PARD3: variants seen among roughly 807,000 people sequenced by gnomAD.
PARD3 encodes par-3 family cell polarity regulator.
In PARD3, 75 loss-of-function variants were observed where a neutral mutation model predicts 155.4. That is an observed-to-expected ratio of 0.48 (90% CI 0.40 to 0.58). PARD3 has a LOEUF of 0.58. Among genes scored for constraint, PARD3 ranks in the 20% least tolerant of loss-of-function variants. The probability of loss-of-function intolerance (pLI) is 0.00; values close to 1 mark genes in which losing one functional copy is unlikely to be tolerated. For synonymous variants in PARD3, 576 were observed against 610.5 expected (o/e 0.94, Z 0.83); for missense variants, 1,642 against 1,721.7 (o/e 0.95, Z 0.82).
intron 1 of PARD3, among the ~76,000 whole-genome samples, chr10:34,753,398 G>A (rs932833510): frequency 2.0e-5 from 3 of 152,162 alleles, no homozygotes; most frequent in South Asian, 2.1e-4. Flanking sequence ...AATTCATTTC[G>A]TCCTTACTAT....
intron 1 of PARD3, among the ~76,000 whole-genome samples, chr10:34,787,042 C>T (rs1474841684): frequency 1.3e-5 from 2 of 152,176 alleles, no homozygotes; most frequent in African/African-American, 4.8e-5. Flanking sequence ...TTTTATCAAT[C>T]CTTAGAGACT....
chr10:34,149,809 A>C (rs550287378), intron 22 of PARD3, among the ~76,000 whole-genome samples: 1 of 152,296 alleles, frequency 6.6e-6, no homozygotes, highest in East Asian at 1.9e-4. Context: ...ATTTCCTCTG[A>C]TCGTAGATTA....
chr10:34,618,990 T>A (rs2091444163), intron 2 of PARD3, among the ~76,000 whole-genome samples: 1 of 151,798 alleles, frequency 6.6e-6, no homozygotes, highest in South Asian at 2.1e-4. Flanking sequence ...CTTTCACTCA[T>A]CCCACAGCCC....
intron 22 of PARD3, among the ~76,000 whole-genome samples, chr10:34,205,407 A>T (rs553885086): frequency 1.3e-5 from 2 of 152,318 alleles, no homozygotes; most frequent in Admixed American, 6.5e-5. Flanking sequence ...TTCATGCGTT[A>T]GAAAACAAAT....
intron 2 of PARD3, among the ~76,000 whole-genome samples, chr10:34,650,819 C>T (rs1411420473): frequency 6.6e-6 from 1 of 152,070 alleles, no homozygotes; most frequent in Non-Finnish European, 1.5e-5. Context: ...CAAGACCAGC[C>T]TGACCAACAT....
chr10:34,431,262 A>C lies in PARD3; in HGVS notation c.714+19055T>G, dbSNP rs924571695. On this transcript the variant is annotated intron_variant, in intron 5 of 24. Coordinates refer to ENST00000374788, the MANE Select transcript of PARD3 (RefSeq NM_001184785.2). The stretch of plus-strand genomic sequence containing the variant: ...AATACACATGATCAAAGACAGAATT[A>C]AACAATGAATGACACAATGCTGATT... Among the ~76,000 whole-genome samples the C allele has an allele frequency of 3.3e-5, 5 of 152,334 alleles. No homozygotes were observed. In the South Asian group the frequency reaches 1.0e-3, roughly 32 times the overall value.
At chr10:34,155,384 A>G (rs971277940) in intron 22 of PARD3, among the ~76,000 whole-genome samples, 5 of 152,214 alleles carry the variant, frequency 3.3e-5, no homozygotes, top group Non-Finnish European at 5.9e-5. Context: ...CAAGAATAAC[A>G]ATAGAGGAGA....
chr10:34,227,883 T>TATATATATATATATATACAC (rs1491222875), intron 22 of PARD3, among the ~76,000 whole-genome samples: 4 of 130,444 alleles, frequency 3.1e-5, no homozygotes, highest in African/African-American at 1.2e-4. Flanking sequence ...TATATATATA[T>TATATATATATATATATACAC]ACTGGGAATA....
At chr10:34,243,744 A>T (rs1031861702) in intron 22 of PARD3, among the ~76,000 whole-genome samples, 1 of 152,162 alleles carries the variant, frequency 6.6e-6, no homozygotes, top group Non-Finnish European at 1.5e-5. Flanking sequence ...CAGGAGGCGG[A>T]GGTTACAGTA....
intron 2 of PARD3, among the ~76,000 whole-genome samples, chr10:34,517,709 C>T (rs780440545): frequency 1.2e-4 from 18 of 152,054 alleles, no homozygotes; most frequent in Non-Finnish European, 1.8e-4. Context: ...CCCACACACA[C>T]ACAAACACAC....
At chr10:34,266,790 G>A (rs554222481) in intron 22 of PARD3, among the ~76,000 whole-genome samples, 16 of 152,302 alleles carry the variant, frequency 1.1e-4, no homozygotes, top group African/African-American at 3.8e-4. Flanking sequence ...ACAGTGCAGG[G>A]TACAGACTCC....
intron 2 of PARD3, among the ~76,000 whole-genome samples, chr10:34,517,520 CTG>C (rs754922803): frequency 1.7e-4 from 26 of 151,994 alleles, no homozygotes; most frequent in African/African-American, 3.9e-4. Context: ...ACATATATAT[CTG>C]TGTGTGTGTA....
chr10:34,457,636 T>G (rs1197011453), intron 4 of PARD3, among the ~76,000 whole-genome samples: 1 of 152,180 alleles, frequency 6.6e-6, no homozygotes, highest in African/African-American at 2.4e-5. Flanking sequence ...GGTCTCACTC[T>G]GTCATCCAGG....
intron 20 of PARD3, among the ~76,000 whole-genome samples, chr10:34,298,094 G>C (rs1956990331): frequency 6.6e-6 from 1 of 152,158 alleles, no homozygotes; most frequent in South Asian, 2.1e-4. Flanking sequence ...CATCCTCACA[G>C]ATTTATTGTG....
At chr10:34,698,613 C>G (rs1026268745) in intron 1 of PARD3, among the ~76,000 whole-genome samples, 27 of 152,176 alleles carry the variant, frequency 1.8e-4, no homozygotes, top group African/African-American at 5.1e-4. Context: ...GCAATCATAG[C>G]TCAATGCAGC....
intron 22 of PARD3, among the ~76,000 whole-genome samples, chr10:34,207,883 C>T (rs573505096): frequency 1.2e-4 from 19 of 152,272 alleles, no homozygotes; most frequent in African/African-American, 4.6e-4. Context: ...AGAAGAATGC[C>T]TCCGGTCCTT....
chr10:34,813,422 C>T (rs1301474552), intron 1 of PARD3, among the ~76,000 whole-genome samples: 1 of 152,120 alleles, frequency 6.6e-6, no homozygotes, highest in Non-Finnish European at 1.5e-5. Context: ...CTTAAAAATG[C>T]TAAATGTCCA....
intron 22 of PARD3, among the ~76,000 whole-genome samples, chr10:34,248,778 A>C (rs2804542): frequency 0.19 from 28,743 of 152,196 alleles, 3,918 homozygotes; most frequent in African/African-American, 0.39. Context: ...CAGAATCCTG[A>C]AGATCATCAT....
At chr10:34,764,209 A>C (rs1193880316) in intron 1 of PARD3, among the ~76,000 whole-genome samples, 3 of 152,192 alleles carry the variant, frequency 2.0e-5, no homozygotes, top group African/African-American at 7.2e-5. Flanking sequence ...GTTTGTCTGC[A>C]AGACCTTAAG....
Sources: gnomAD v4.1 joint callset for allele counts (sites outside exome capture counted in the v4.1 genomes callset) on GRCh38, gnomAD v4.1.1 for gene constraint, MANE v1.5 for transcripts, NCBI Gene and HGNC (gene_info 2026-07-23, HGNC 2026-07-21) for gene names.